INTS14: variants seen among roughly 807,000 people sequenced by gnomAD.
INTS14 encodes the protein UPF0464 protein C15orf44.
In INTS14, 27 loss-of-function variants were observed where a neutral mutation model predicts 56.9. That is an observed-to-expected ratio of 0.47 (90% CI 0.35 to 0.65). INTS14 has a LOEUF of 0.65. Ranked by LOEUF, INTS14 falls within the 30% of genes least tolerant of loss-of-function variation. The pLI is 0.00. For synonymous variants in INTS14, 207 were observed against 236.2 expected (o/e 0.88, Z 1.13); for missense variants, 517 against 632.2 (o/e 0.82, Z 1.95).
chr15:65,581,370 ACT>A (rs1367299793), intron 11 of INTS14, among the ~76,000 whole-genome samples: 14 of 137,444 alleles, frequency 1.0e-4, no homozygotes, highest in Admixed American at 9.2e-4. Context: ...ACAGAGTGAG[ACT>A]CTGTCTCAAA....
At chr15:65,581,873 T>A (rs2072633745) in intron 11 of INTS14, 81 bp downstream of exon 11, 1 of 1,402,244 alleles carries the variant, frequency 7.1e-7, no homozygotes, top group African/African-American at 1.4e-5. Flanking sequence ...CTCTAACCCC[T>A]GCCCATATTC....
intron 9 of INTS14, among the ~76,000 whole-genome samples, chr15:65,588,739 T>C (rs531916311): frequency 7.9e-5 from 12 of 152,056 alleles, no homozygotes; most frequent in African/African-American, 2.9e-4. Flanking sequence ...TAGTTGTCTC[T>C]AGGAACAGAA....
intron 4 of INTS14, chr15:65,599,533 T>C (rs981578942): frequency 1.0e-5 from 4 of 384,014 alleles, no homozygotes; most frequent in African/African-American, 8.1e-5. Context: ...CTTGACCCTT[T>C]ATGCACCCAT....
chr15:65,599,820 G>A lies in INTS14; in HGVS notation c.440C>T (p.Pro147Leu). The change falls in exon 4 of 12, where the codon CCT becomes CTT. Residue 147 changes from proline (P) to leucine (L), a missense_variant. Coordinates refer to ENST00000313182, the MANE Select transcript of INTS14 (RefSeq NM_001394796.1). The stretch of plus-strand genomic sequence containing the variant: ...CATGATATATAACTTAGATGGGAAA[G>A]GAAAAGGTAGTGGAAACCTGTTGCT... The part of the protein sequence containing the change: ...SESNRFPLPF[P>L]FPSKLYIMCM... The A allele has an allele frequency of 1.2e-6, 2 of 1,614,196 alleles. No homozygotes were observed. Among genetic ancestry groups the A allele is most frequent in the Non-Finnish European group, 1.7e-6 (2 of 1,180,038 alleles).
intron 11 of INTS14, among the ~76,000 whole-genome samples, 178 bp from the exon 12 acceptor site, chr15:65,579,837 G>A (rs1207304883): frequency 1.3e-5 from 2 of 152,170 alleles, no homozygotes; most frequent in African/African-American, 4.8e-5. Flanking sequence ...CTGGGAAGTG[G>A]TTCCTCTGCA....
intron 11 of INTS14, 134 bp from the exon 12 acceptor site, chr15:65,579,793 TA>T: frequency 1.5e-6 from 2 of 1,315,646 alleles, no homozygotes; most frequent in Non-Finnish European, 1.0e-6. Flanking sequence ...AATGTTTATT[TA>T]GGGATGCCAG....
rs1279951173 is a variant in INTS14 at position 65,595,771 on chromosome 15, A to G, written c.803T>C (p.Leu268Pro). ...DIADISSPPVLSRHLVLPIAL... is the reference protein window; with the variant it reads ...DIADISSPPVPSRHLVLPIAL... Reference sequence around the variant, plus strand: ...TATAGGTAAGACCAGATGTCTGGACAGAACTGGGGGACTTGAAATATCAGC... The same window carrying G: ...TATAGGTAAGACCAGATGTCTGGACGGAACTGGGGGACTTGAAATATCAGC... Residue 268 changes from leucine to proline, a missense_variant, in exon 7 of 12, where the codon CTG becomes CCG. Transcript: ENST00000313182. 1 of 1,610,586 alleles carries G rather than the reference A, an allele frequency of 6.2e-7. No homozygotes were observed. The highest frequency in any genetic ancestry group is 1.7e-5 in the Admixed American group (1 of 59,020).
Position 65,598,303 on chromosome 15 carries a change from G to A in INTS14, c.748+18C>T, listed in dbSNP as rs770409345. The A allele has an allele frequency of 6.9e-6, 11 of 1,605,506 alleles. No individual in the cohort carries two copies. The highest frequency in any genetic ancestry group is 1.7e-4 in the Middle Eastern group (1 of 6,030). On this transcript the variant is annotated intron_variant, in intron 6 of 11. Transcript: ENST00000313182. ...GGATAACAGAGAAACTAAGAAATAA[G>A]TTTTTTTAAAAAGTTACCTGTGTTA...
chr15:65,606,083 G>A (rs1365265038), intron 2 of INTS14, among the ~76,000 whole-genome samples: 3 of 151,116 alleles, frequency 2.0e-5, no homozygotes, highest in Non-Finnish European at 4.4e-5. Flanking sequence ...GTGAAACCCC[G>A]TCTCTACTAA....
Position 65,593,802 on chromosome 15 carries a change from A to G in INTS14, c.842-230T>C, listed in dbSNP as rs1183043270. 3.3e-5 allele frequency among the ~76,000 whole-genome samples: 5 copies of G among 152,058 alleles called. 1 individual carries two copies. Among genetic ancestry groups the G allele is most frequent in the African/African-American group, 1.2e-4 (5 of 41,460 alleles). ...AAACATCCAGAATAGGCAAATCTATATATACAGAAAGGATATTAGTGGTTA... is the reference window on the plus strand; with the variant it reads ...AAACATCCAGAATAGGCAAATCTATGTATACAGAAAGGATATTAGTGGTTA... On this transcript the variant is annotated intron_variant, in intron 7 of 11. Transcript: ENST00000313182.
intron 1 of INTS14, among the ~76,000 whole-genome samples, chr15:65,609,768 G>A (rs1280709271): frequency 6.6e-6 from 1 of 152,140 alleles, no homozygotes; most frequent in African/African-American, 2.4e-5. Flanking sequence ...AGGATCATGA[G>A]GAGTACTGCC....
chr15:65,605,936 A>T (rs560210460), intron 2 of INTS14, among the ~76,000 whole-genome samples: 18 of 152,280 alleles, frequency 1.2e-4, no homozygotes, highest in South Asian at 6.2e-4. Flanking sequence ...TAATTTTTTT[A>T]AAAAAAGCTT....
Position 65,591,736 on chromosome 15 carries a change from A to G in INTS14, c.987-5T>C. Reference sequence around the variant, plus strand: ...AGCATTCCATGCCATTCAGGACTAGATGGAGAGAAGACGGAAGATCAGAAG... The same window carrying G: ...AGCATTCCATGCCATTCAGGACTAGGTGGAGAGAAGACGGAAGATCAGAAG... On this transcript the variant is annotated splice_region_variant and splice_polypyrimidine_tract_variant and intron_variant, in intron 8 of 11. Transcript: ENST00000313182. 1 of 1,613,718 alleles carries G rather than the reference A, an allele frequency of 6.2e-7. No homozygotes were observed. The highest frequency in any genetic ancestry group is 1.1e-5 in the South Asian group (1 of 90,992).
chr15:65,595,656 C>A, intron 7 of INTS14, 77 bp downstream of exon 7: 1 of 1,178,738 alleles, frequency 8.5e-7, no homozygotes, highest in East Asian at 2.5e-5. Flanking sequence ...GCAAAATGGG[C>A]TATCCTACTA....
rs780296906 is a variant in INTS14, at chr15:65,599,907, C to T, written c.353G>A (p.Cys118Tyr). 2 of 1,613,356 alleles carry T rather than the reference C, an allele frequency of 1.2e-6. No homozygotes were observed. Among genetic ancestry groups the T allele is most frequent in the African/African-American group, 1.3e-5 (1 of 74,966 alleles). Residue 118 changes from cysteine to tyrosine, a missense_variant, in exon 4 of 12, where the codon TGT (cysteine) becomes TAT (tyrosine). Coordinates refer to ENST00000313182, the MANE Select transcript of INTS14 (RefSeq NM_001394796.1). ...PCQVVLVTDGCLGIGRGSLRH... is the reference protein window; with the variant it reads ...PCQVVLVTDGYLGIGRGSLRH... ...CAGTGACCCTCTACCAATGCCAAGA[C>T]AGCCGTCTGTCACCAGGACAACCTG...
chr15:65,609,949 C>T (rs1292261823), intron 1 of INTS14, among the ~76,000 whole-genome samples: 3 of 151,958 alleles, frequency 2.0e-5, no homozygotes, highest in Admixed American at 2.0e-4. Flanking sequence ...GCATTTGTGT[C>T]GACTCCCAAA....
At position 65,584,775 on chromosome 15, in the gene INTS14, G is replaced by C. The variant is rs1566918066; in HGVS notation, c.1234C>G (p.Leu412Val). The C allele has an allele frequency of 1.1e-5, 17 of 1,611,336 alleles. No individual in the cohort carries two copies. Among genetic ancestry groups the C allele is most frequent in the Non-Finnish European group, 1.4e-5 (17 of 1,178,818 alleles). ...AACATAAATGGTAATGTTACCTGCA[G>C]GCCGCTGGGTTTGATCCAGACAGTC... ...NVTVWIKPSG[L>V]QTDVQKILRN... is the part of the protein sequence containing the mutation. Residue 412 changes from leucine (L) to valine (V), a missense_variant, in exon 10 of 12, where the codon CTG becomes GTG. Physicochemically the swap from Leu to Val is conservative, Grantham distance 32. Transcript: ENST00000313182.
chr15:65,606,558 A>T (rs2073662711), intron 2 of INTS14, among the ~76,000 whole-genome samples: 1 of 152,118 alleles, frequency 6.6e-6, no homozygotes, highest in Non-Finnish European at 1.5e-5. Context: ...CCTGGCCCAC[A>T]AACACTTCTT....
intron 6 of INTS14, 41 bp from the exon 7 acceptor site, chr15:65,595,866 G>A: frequency 6.8e-7 from 1 of 1,469,908 alleles, no homozygotes; most frequent in Non-Finnish European, 9.4e-7. Flanking sequence ...TCATTCTATG[G>A]AAAAGTACAT....
Sources: allele counts gnomAD v4.1 joint callset (sites outside exome capture counted in the v4.1 genomes callset), GRCh38; gene constraint gnomAD v4.1.1; transcripts MANE v1.5; gene names NCBI Gene and HGNC (gene_info 2026-07-23, HGNC 2026-07-21).